CELF2: variants seen among roughly 807,000 people sequenced by gnomAD.
CELF2 encodes the protein CUGBP Elav-like family member 2.
CELF2 carries 8 observed loss-of-function variants against 62.6 expected under a neutral mutation model. The ratio of observed to expected loss-of-function variants is 0.13; its 90% CI spans 0.07 to 0.23. The LOEUF (loss-of-function observed/expected upper bound fraction) is 0.23. CELF2 is among the 10% of genes least tolerant of loss of function. The probability of loss-of-function intolerance (pLI) is 1.00; values close to 1 mark genes in which losing one functional copy is unlikely to be tolerated. For synonymous variants in CELF2, 258 were observed against 250.0 expected (o/e 1.03, Z -0.30); for missense variants, 333 against 671.0 (o/e 0.50, Z 5.56).
intron 2 of CELF2, among the ~76,000 whole-genome samples, chr10:10,968,140 GT>G (rs60064033): frequency 0.13 from 19,187 of 152,048 alleles, 1,286 homozygotes; most frequent in Middle Eastern, 0.24. Context: ...AACGCACAGG[GT>G]TGGCCACCAG....
the CELF2 span, among the ~76,000 whole-genome samples, chr10:10,644,982 C>T: frequency 9.2e-5 from 14 of 152,194 alleles, no homozygotes; most frequent in African/African-American, 3.1e-4. Flanking sequence ...TTAGCTGATA[C>T]ACTGAGAGAA....
chr10:10,918,530 C>T (rs758368627), intron 1 of CELF2, among the ~76,000 whole-genome samples: 9 of 152,166 alleles, frequency 5.9e-5, no homozygotes, highest in Non-Finnish European at 8.8e-5. Context: ...ACCACTTCTC[C>T]AAAGTGCTCA....
chr10:11,105,832 C>T (rs2053279627), intron 1 of CELF2, among the ~76,000 whole-genome samples: 1 of 152,200 alleles, frequency 6.6e-6, no homozygotes, highest in African/African-American at 2.4e-5. Flanking sequence ...GATTCTGCTC[C>T]AGTCTCCACT....
intron 1 of CELF2, among the ~76,000 whole-genome samples, chr10:10,900,661 G>A (rs568390439): frequency 3.9e-4 from 59 of 152,314 alleles, no homozygotes; most frequent in African/African-American, 1.3e-3. Flanking sequence ...GAACTAGACA[G>A]TGAGTCTGCC....
rs1179699915 is a variant in CELF2 at position 11,296,485 on chromosome 10, G to T, written c.976+7933G>T. 1.3e-5 allele frequency among the ~76,000 whole-genome samples: 2 copies of T among 152,132 alleles called. No individual in the cohort carries two copies. The highest frequency in any genetic ancestry group is 2.9e-5 in the Non-Finnish European group (2 of 68,026). ...TTATCACCACTAGCACTGGTGAAAA[G>T]CATGTGTTGCTTAATTGTGTTATAT... On this transcript the variant is annotated intron_variant, in intron 9 of 12. Transcript: ENST00000633077. This position sits in a 1 kb window ranked among gnomAD's most constrained non-coding sequence, Gnocchi z 5.0.
intron 2 of CELF2, among the ~76,000 whole-genome samples, chr10:10,960,661 A>G (rs1010206029): frequency 2.6e-5 from 4 of 152,218 alleles, no homozygotes; most frequent in Non-Finnish European, 5.9e-5. Flanking sequence ...ATAACACTCT[A>G]TTAAACAGAG....
the CELF2 span, among the ~76,000 whole-genome samples, chr10:10,644,387 T>G: frequency 7.7e-6 from 1 of 130,436 alleles, no homozygotes; most frequent in Admixed American, 8.7e-5. Context: ...ATTAGGAAAC[T>G]GCACAGTGTG....
chr10:10,767,944 C>T, the CELF2 span, among the ~76,000 whole-genome samples: 24 of 88,424 alleles, frequency 2.7e-4, no homozygotes, highest in African/African-American at 8.8e-4. Flanking sequence ...TGCAGTGAGC[C>T]GAGATCGCGC....
chr10:10,754,260 T>A, the CELF2 span, among the ~76,000 whole-genome samples: 1 of 151,844 alleles, frequency 6.6e-6, no homozygotes, highest in Non-Finnish European at 1.5e-5. Context: ...TCCTCCCACC[T>A]CTGCCTCCCA....
intron 1 of CELF2, among the ~76,000 whole-genome samples, chr10:11,084,763 C>T (rs931219583): frequency 6.6e-6 from 1 of 151,772 alleles, no homozygotes; most frequent in Non-Finnish European, 1.5e-5. Flanking sequence ...AAAAAAAAAC[C>T]CACGGTCTCA....
chr10:10,647,957 T>G, the CELF2 span, among the ~76,000 whole-genome samples: 1 of 152,170 alleles, frequency 6.6e-6, no homozygotes, highest in Admixed American at 6.5e-5. Context: ...CACCTGCATT[T>G]TGATCCACTT....
Position 11,255,102 on chromosome 10 carries a change from C to T in CELF2, c.404-2636C>T, listed in dbSNP as rs1176246823. ...TCTGGTGTCTCTCTGGCTTAGCTGT[C>T]GCGCCTGTGCTGCCCATGACTGACC... On this transcript the variant is annotated intron_variant, in intron 4 of 12. Coordinates refer to ENST00000633077, the MANE Select transcript of CELF2 (RefSeq NM_001326342.2). This position sits in a 1 kb window ranked among gnomAD's most constrained non-coding sequence, Gnocchi z 5.5. 3.3e-5 allele frequency among the ~76,000 whole-genome samples: 5 copies of T among 152,356 alleles called. No individual in the cohort carries two copies. The highest frequency in any genetic ancestry group is 5.9e-5 in the Non-Finnish European group (4 of 68,042).
At chr10:11,103,649 A>T (rs151325441) in intron 1 of CELF2, among the ~76,000 whole-genome samples, 2 of 152,202 alleles carry the variant, frequency 1.3e-5, no homozygotes, top group African/African-American at 4.8e-5. Flanking sequence ...CGACACATGA[A>T]ATTAAACATT....
At chr10:10,553,490 T>C in the CELF2 span, among the ~76,000 whole-genome samples, 3 of 151,880 alleles carry the variant, frequency 2.0e-5, no homozygotes, top group Non-Finnish European at 4.4e-5. Context: ...GGAGTTAGGG[T>C]TTTAACATAT....
chr10:10,958,988 G>A lies in CELF2; in HGVS notation c.89+38989G>A, dbSNP rs942031158. Among the ~76,000 whole-genome samples, 9 of 152,248 alleles carry A rather than the reference G, an allele frequency of 5.9e-5. No homozygotes were observed. In the South Asian group the frequency reaches 1.9e-3, roughly 32 times the overall value. On this transcript the variant is annotated intron_variant, in intron 2 of 13. Coordinates refer to the CELF2 transcript ENST00000636488. Reference sequence around the variant, plus strand: ...GTCTTGGATCCAGGCTGGGCACGGTGGCTCACACCTGTAATCCCAGCACTT... The same window carrying A: ...GTCTTGGATCCAGGCTGGGCACGGTAGCTCACACCTGTAATCCCAGCACTT...
intron 5 of CELF2, among the ~76,000 whole-genome samples, chr10:11,263,234 T>C (rs1233323296): frequency 6.6e-6 from 1 of 152,116 alleles, no homozygotes; most frequent in Non-Finnish European, 1.5e-5. Flanking sequence ...GCTCCTTTCA[T>C]TTCTGTTAGC....
At chr10:10,841,165 C>G (rs1461939200) in intron 1 of CELF2, among the ~76,000 whole-genome samples, 2 of 152,092 alleles carry the variant, frequency 1.3e-5, no homozygotes, top group African/African-American at 4.8e-5. Flanking sequence ...GTGCATGTGT[C>G]TTTATGGTAG....
chr10:11,143,113 G>A (rs1267477264), intron 1 of CELF2, among the ~76,000 whole-genome samples: 30 of 152,048 alleles, frequency 2.0e-4, no homozygotes, highest in Admixed American at 6.6e-5. Flanking sequence ...CGCTCCCCTC[G>A]TGCTTCTTCC....
At chr10:11,219,981 A>G (rs1399574180) in intron 3 of CELF2, among the ~76,000 whole-genome samples, 1 of 152,234 alleles carries the variant, frequency 6.6e-6, no homozygotes, top group African/African-American at 2.4e-5. Context: ...AAAGTTGTAC[A>G]CTACTATTTT....
Sources: gnomAD v4.1 joint callset for allele counts (sites outside exome capture counted in the v4.1 genomes callset) on GRCh38, gnomAD v4.1.1 for gene constraint, Gnocchi (gnomAD v3.1) non-coding constraint, MANE v1.5 for transcripts, NCBI Gene and HGNC (gene_info 2026-07-23, HGNC 2026-07-21) for gene names.